The following APBA1 variants were observed in gnomAD, a reference collection of about 807,000 sequenced individuals.
The protein encoded by APBA1 is amyloid beta precursor protein binding family A member 1.
Under a neutral mutation model 86.6 loss-of-function variants are expected in APBA1, and 55 were observed. That is an observed-to-expected ratio of 0.64 (90% CI 0.51 to 0.80). The LOEUF (loss-of-function observed/expected upper bound fraction) is 0.80. Ranked by LOEUF, APBA1 falls within the 30% of genes least tolerant of loss-of-function variation. The pLI, the probability that APBA1 is intolerant of heterozygous loss-of-function variation, is 0.00. For synonymous variants in APBA1, 511 were observed against 493.9 expected (o/e 1.03, Z -0.46); for missense variants, 1,090 against 1,183.0 (o/e 0.92, Z 1.15).
intron 1 of APBA1, among the ~76,000 whole-genome samples, chr9:69,570,476 T>C (rs1837097880): frequency 6.6e-6 from 1 of 152,360 alleles, no homozygotes; most frequent in South Asian, 2.1e-4. Flanking sequence ...GAATTCAAAG[T>C]GACTCTCCCA....
intron 3 of APBA1, among the ~76,000 whole-genome samples, chr9:69,473,893 C>T (rs541043607): frequency 1.3e-4 from 20 of 152,036 alleles, no homozygotes; most frequent in African/African-American, 4.3e-4. Flanking sequence ...AATTATTACA[C>T]ACAAATAGGA....
At chr9:69,563,301 G>C (rs893314224) in intron 1 of APBA1, among the ~76,000 whole-genome samples, 1 of 150,936 alleles carries the variant, frequency 6.6e-6, no homozygotes. Flanking sequence ...CTGCAAAATG[G>C]ACTTTGAAAT....
intron 1 of APBA1, among the ~76,000 whole-genome samples, chr9:69,648,985 G>C (rs1031209472): frequency 6.6e-6 from 1 of 152,092 alleles, no homozygotes; most frequent in Admixed American, 6.6e-5. Flanking sequence ...CCCTCCAGAA[G>C]CACAAAACAG....
intron 5 of APBA1, among the ~76,000 whole-genome samples, chr9:69,466,240 G>A (rs763888009): frequency 3.9e-5 from 6 of 152,302 alleles, no homozygotes; most frequent in South Asian, 2.1e-4. Context: ...TGAGAGGGAC[G>A]TGGGGCCATT....
chr9:69,592,728 T>C (rs1008916408), intron 1 of APBA1, among the ~76,000 whole-genome samples: 3 of 152,202 alleles, frequency 2.0e-5, no homozygotes, highest in African/African-American at 7.2e-5. Context: ...TTGCTTCCCC[T>C]TCCACCGTGA....
intron 1 of APBA1, among the ~76,000 whole-genome samples, chr9:69,662,131 G>T: frequency 6.6e-6 from 1 of 151,908 alleles, no homozygotes; most frequent in Non-Finnish European, 1.5e-5. Flanking sequence ...AGCTACTGCT[G>T]GGCCCAGAGG....
At chr9:69,473,725 T>C (rs145614598) in intron 3 of APBA1, among the ~76,000 whole-genome samples, 14 of 152,242 alleles carry the variant, frequency 9.2e-5, no homozygotes, top group African/African-American at 3.4e-4. Flanking sequence ...AAAAAAATAA[T>C]TTGGCAAAAT....
chr9:69,443,859 C>T (rs528377010), intron 10 of APBA1, among the ~76,000 whole-genome samples: 2 of 152,188 alleles, frequency 1.3e-5, no homozygotes, highest in Non-Finnish European at 2.9e-5. Flanking sequence ...ATAAGGCTTG[C>T]TCCACAAAGA....
intron 10 of APBA1, among the ~76,000 whole-genome samples, chr9:69,446,009 T>G (rs943735952): frequency 1.3e-5 from 2 of 151,970 alleles, no homozygotes; most frequent in Non-Finnish European, 2.9e-5. Flanking sequence ...AGGATGAGAG[T>G]TGCTTGTCAA....
At position 69,431,307 on chromosome 9, in the gene APBA1, G is replaced by A; in HGVS notation, c.*20C>T. 5 of 1,579,214 alleles carry A rather than the reference G, an allele frequency of 3.2e-6. No individual in the cohort carries two copies. The highest frequency in any genetic ancestry group is 1.2e-5 in the South Asian group (1 of 85,622). On this transcript the variant is annotated 3_prime_UTR_variant, in exon 13 of 13. Coordinates refer to ENST00000265381, the MANE Select transcript of APBA1 (RefSeq NM_001163.4). ...ACGAAGAGGAGAGTCCTCCATGCAT[G>A]CCACCGCGTGTGGCCGCGGTCAGAT... is the stretch of plus-strand genomic sequence containing the variant.
At chr9:69,461,078 TACCATC>T (rs1564039324) in intron 5 of APBA1, 2 of 152,194 alleles carry the variant, frequency 1.3e-5, no homozygotes, top group African/African-American at 4.8e-5. Flanking sequence ...TTTAGAGTAA[TACCATC>T]TTTAAATCAC....
chr9:69,519,010 C>A (rs1260940129), intron 1 of APBA1, among the ~76,000 whole-genome samples: 1 of 152,178 alleles, frequency 6.6e-6, no homozygotes, highest in Non-Finnish European at 1.5e-5. Context: ...GATGAACAAT[C>A]TTTATTGCTT....
At chr9:69,439,024 C>T (rs1253898973) in intron 11 of APBA1, among the ~76,000 whole-genome samples, 28 of 12,996 alleles carry the variant, frequency 2.2e-3, no homozygotes, top group Admixed American at 3.6e-3. Context: ...TACTTTATTT[C>T]TCCTTCACTT....
chr9:69,591,422 C>T (rs1350299663), intron 1 of APBA1, among the ~76,000 whole-genome samples: 1 of 152,178 alleles, frequency 6.6e-6, no homozygotes, highest in Admixed American at 6.5e-5. Context: ...CATCTGAAAG[C>T]CAAGAACCAT....
chr9:69,631,679 G>T (rs1325537292), intron 1 of APBA1, among the ~76,000 whole-genome samples: 1 of 152,210 alleles, frequency 6.6e-6, no homozygotes, highest in Non-Finnish European at 1.5e-5. Context: ...ATGATAGACT[G>T]GATTAAGAAA....
Position 69,547,320 on chromosome 9 carries a change from C to G in APBA1, c.-69-30041G>C, listed in dbSNP as rs185648607. Among the ~76,000 whole-genome samples the G allele has an allele frequency of 2.7e-3, 409 of 152,276 alleles. 2 individuals carry two copies. The highest frequency in any genetic ancestry group is 9.5e-3 in the African/African-American group (395 of 41,544). Reference sequence around the variant, plus strand: ...GACTCCCACATTTCCAAGATGGCAGCCTCAGTGCCTGCCACGTGTCTGTAT... The same window carrying G: ...GACTCCCACATTTCCAAGATGGCAGGCTCAGTGCCTGCCACGTGTCTGTAT... On this transcript the variant is annotated intron_variant, in intron 1 of 12. Transcript: ENST00000265381.
At chr9:69,561,672 C>T (rs1449761406) in intron 1 of APBA1, among the ~76,000 whole-genome samples, 1 of 151,700 alleles carries the variant, frequency 6.6e-6, no homozygotes, top group Non-Finnish European at 1.5e-5. Context: ...CTGTGTTGCC[C>T]AGGCTGGACT....
In APBA1 at chr9:69,651,412, T is replaced by C. The variant is rs76035775; in HGVS notation, c.-70+20741A>G. Among the ~76,000 whole-genome samples, 1,243 of 152,304 alleles carry C rather than the reference T, an allele frequency of 8.2e-3. 19 individuals are homozygous for C. Among genetic ancestry groups the C allele is most frequent in the Non-Finnish European group, 0.012 (841 of 68,028 alleles). On this transcript the variant is annotated intron_variant, in intron 1 of 12. Transcript: ENST00000265381. Reference sequence around the variant, plus strand: ...GATTTGTGTAGTTTATACACTTTACTGTATGTGTTTTACTTCTATTATAAA... The same window carrying C: ...GATTTGTGTAGTTTATACACTTTACCGTATGTGTTTTACTTCTATTATAAA...
At chr9:69,606,651 C>A (rs1236319302) in intron 1 of APBA1, among the ~76,000 whole-genome samples, 1 of 151,822 alleles carries the variant, frequency 6.6e-6, no homozygotes, top group Non-Finnish European at 1.5e-5. Flanking sequence ...ACCACCACGC[C>A]CGGCTAATTT....
Sources: gnomAD v4.1 joint callset for allele counts (sites outside exome capture counted in the v4.1 genomes callset) on GRCh38, gnomAD v4.1.1 for gene constraint, MANE v1.5 for transcripts, NCBI Gene and HGNC (gene_info 2026-07-23, HGNC 2026-07-21) for gene names.